The following ANKRD27 variants were observed in gnomAD, a reference collection of about 807,000 sequenced individuals.
The protein encoded by ANKRD27 is ankyrin repeat domain 27.
A neutral mutation model predicts 129.7 loss-of-function variants in ANKRD27; 112 were observed. The observed-to-expected ratio is 0.86, with a 90% CI of 0.74 to 1.01. The LOEUF (loss-of-function observed/expected upper bound fraction) is 1.01, where lower values mean the gene tolerates loss of function less well. ANKRD27 is among the 50% of genes least tolerant of loss of function. The pLI, the probability that ANKRD27 is intolerant of heterozygous loss-of-function variation, is 0.00. For missense variants in ANKRD27, 1,258 were observed against 1,300.5 expected, an observed-to-expected ratio of 0.97 and a Z score of 0.50; for synonymous variants, 516 against 511.2, an observed-to-expected ratio of 1.01 and a Z score of -0.13.
chr19:32,606,769 T>C (rs2145260287), intron 23 of ANKRD27, among the ~76,000 whole-genome samples: 1 of 151,596 alleles, frequency 6.6e-6, no homozygotes. Flanking sequence ...ACAGTAGAAC[T>C]GATAAAGGAA....
At chr19:32,666,233 A>G (rs1967752275) in intron 1 of ANKRD27, 1 of 152,234 alleles carries the variant, frequency 6.6e-6, no homozygotes, top group African/African-American at 2.4e-5. Flanking sequence ...CTAAAATTAG[A>G]TTGCTTATTT....
At chr19:32,663,500 G>A (rs1033712873) in intron 1 of ANKRD27, among the ~76,000 whole-genome samples, 10 of 152,102 alleles carry the variant, frequency 6.6e-5, no homozygotes, top group African/African-American at 2.4e-4. Flanking sequence ...CTGGATTTTT[G>A]TACATGCTAT....
intron 9 of ANKRD27, among the ~76,000 whole-genome samples, chr19:32,642,521 T>C (rs1425789775): frequency 6.6e-6 from 1 of 152,078 alleles, no homozygotes; most frequent in Non-Finnish European, 1.5e-5. Context: ...GCAGATCACT[T>C]GAGGTCAGGA....
chr19:32,607,226 G>T (rs984437793), intron 23 of ANKRD27, among the ~76,000 whole-genome samples: 1 of 150,642 alleles, frequency 6.6e-6, no homozygotes, highest in Non-Finnish European at 1.5e-5. Flanking sequence ...ATTCTTCCTT[G>T]AGCCCCTCTA....
intron 12 of ANKRD27, 56 bp downstream of exon 12, chr19:32,639,300 T>C (rs1967148765): frequency 6.2e-7 from 1 of 1,609,376 alleles, no homozygotes; most frequent in African/African-American, 1.3e-5. Flanking sequence ...CCCAGCACCC[T>C]ATCAAGGGAA....
chr19:32,633,327 ATC>A (rs1006424838), intron 12 of ANKRD27, among the ~76,000 whole-genome samples: 24 of 128,822 alleles, frequency 1.9e-4, no homozygotes, highest in Middle Eastern at 4.0e-3. Context: ...TTGTTTTTTT[ATC>A]TGTTTTTTTT....
chr19:32,631,400 A>G lies in ANKRD27; in HGVS notation c.1209+2T>C. On this transcript the variant is annotated splice_donor_variant, in intron 13 of 28. Transcript: ENST00000306065. LOFTEE classifies it high-confidence loss of function. ...ACCCACAGAGATGTCTTGGTATCTC[A>G]CCTTAAACAGGCAGTCGGTGGGAGA... The G allele has an allele frequency of 1.2e-6, 2 of 1,613,404 alleles. No individual in the cohort carries two copies. Among genetic ancestry groups the G allele is most frequent in the Non-Finnish European group, 1.7e-6 (2 of 1,179,390 alleles).
intron 22 of ANKRD27, chr19:32,608,318 C>CT (rs36021439): frequency 0.013 from 2,906 of 219,432 alleles, no homozygotes; most frequent in South Asian, 0.036. Context: ...GCTAATTTCA[C>CT]TTTTTTTTTT....
chr19:32,651,179 T>C (rs747373275), intron 2 of ANKRD27, among the ~76,000 whole-genome samples: 72 of 152,264 alleles, frequency 4.7e-4, no homozygotes, highest in African/African-American at 1.7e-3. Context: ...ACCACTGCAG[T>C]TGGCAGACAA....
chr19:32,640,021 G>A (rs903370946), intron 11 of ANKRD27, among the ~76,000 whole-genome samples: 2 of 152,156 alleles, frequency 1.3e-5, no homozygotes, highest in African/African-American at 2.4e-5. Context: ...GAGTGCGGTG[G>A]CGCGATTTCA....
At chr19:32,640,750 G>A (rs1967184449) in intron 10 of ANKRD27, among the ~76,000 whole-genome samples, 1 of 152,098 alleles carries the variant, frequency 6.6e-6, no homozygotes, top group South Asian at 2.1e-4. Context: ...AAAAAAATAT[G>A]AAAATTAGCC....
intron 20 of ANKRD27, among the ~76,000 whole-genome samples, chr19:32,618,161 GTAACTT>G (rs1971950924): frequency 6.6e-6 from 1 of 151,656 alleles, no homozygotes; most frequent in Admixed American, 6.6e-5. Context: ...ATAATAAACT[GTAACTT>G]TATCAGTGGA....
intron 12 of ANKRD27, chr19:32,636,565 A>T (rs1967093835): frequency 6.6e-6 from 1 of 151,954 alleles, no homozygotes; most frequent in African/African-American, 2.4e-5. Context: ...CTAAAATATT[A>T]ATAAGTGTCA....
rs201203430 is a variant in ANKRD27 at position 32,643,102 on chromosome 19, C to T, written c.782+21G>A. The T allele has an allele frequency of 4.4e-5, 71 of 1,612,734 alleles. No individual in the cohort carries two copies. In the African/African-American group the frequency reaches 9.1e-4, roughly 21 times the overall value. On this transcript the variant is annotated intron_variant, in intron 9 of 28. Transcript: ENST00000306065. ...ACCCCTGCCTCTGAGGACACCAAGC[C>T]GCTGTGGCGCAAACCCTTACCTGAA...
intron 24 of ANKRD27, 95 bp from the exon 25 acceptor site, chr19:32,604,519 G>GT (rs1171348123): frequency 1.7e-4 from 212 of 1,229,916 alleles, no homozygotes; most frequent in East Asian, 1.4e-3. Context: ...AAAACACATT[G>GT]TTTTTTTTAT....
chr19:32,649,503 C>G (rs1967370299), intron 3 of ANKRD27, among the ~76,000 whole-genome samples, 179 bp downstream of exon 3: 1 of 152,120 alleles, frequency 6.6e-6, no homozygotes, highest in African/African-American at 2.4e-5. Flanking sequence ...CTTACCATCA[C>G]TACCTCCCTT....
Position 32,607,800 on chromosome 19 carries a change from A to C in ANKRD27, c.2208T>G (p.Gly736=). ...RLAKVPASGL[G]VNVTSQDGSS... is the part of the protein sequence containing the mutation. ...AGCCGTCCTGGCTGGTCACGTTCACACCAAGCCCACTGGCAGGAACCTTCG... is the reference window on the plus strand; with the variant it reads ...AGCCGTCCTGGCTGGTCACGTTCACCCCAAGCCCACTGGCAGGAACCTTCG... The change falls in exon 23 of 29, where the codon GGT becomes GGG. Residue 736 remains glycine, a synonymous_variant. Coordinates refer to ENST00000306065, the MANE Select transcript of ANKRD27 (RefSeq NM_032139.3). 1 of 1,609,290 alleles carries C rather than the reference A, an allele frequency of 6.2e-7. No homozygotes were observed. The highest frequency in any genetic ancestry group is 8.5e-7 in the Non-Finnish European group (1 of 1,178,324).
At chr19:32,609,588 C>A (rs974277202) in intron 22 of ANKRD27, among the ~76,000 whole-genome samples, 1 of 150,732 alleles carries the variant, frequency 6.6e-6, no homozygotes, top group African/African-American at 2.4e-5. Context: ...ACAAAAGATT[C>A]TCGAAAGTGT....
chr19:32,639,241 G>T (rs760863911), intron 12 of ANKRD27, 115 bp downstream of exon 12: 7 of 1,261,808 alleles, frequency 5.5e-6, no homozygotes, highest in Non-Finnish European at 7.8e-6. Context: ...AACAGCTGAG[G>T]CCCCATTCCT....
Sources: allele counts gnomAD v4.1 joint callset (sites outside exome capture counted in the v4.1 genomes callset), GRCh38; gene constraint gnomAD v4.1.1; transcripts MANE v1.5; gene names NCBI Gene and HGNC (gene_info 2026-07-23, HGNC 2026-07-21).